The following MORC1 variants were observed in gnomAD, a reference collection of about 807,000 sequenced individuals.
MORC1 encodes MORC family CW-type zinc finger 1.
Under a neutral mutation model 134.9 loss-of-function variants are expected in MORC1, and 59 were observed. The ratio of observed to expected loss-of-function variants is 0.44; its 90% CI spans 0.35 to 0.54. MORC1 has a LOEUF of 0.54. Among genes scored for constraint, MORC1 ranks in the 20% least tolerant of loss-of-function variants. The pLI, the probability that MORC1 is intolerant of heterozygous loss-of-function variation, is 0.00. For missense variants in MORC1, 947 were observed against 1,134.5 expected (o/e 0.83, Z 2.37); for synonymous variants, 395 against 391.7 (o/e 1.01, Z -0.10).
At chr3:108,999,966 T>C (rs1948354014) in intron 21 of MORC1, among the ~76,000 whole-genome samples, 2 of 152,154 alleles carry the variant, frequency 1.3e-5, no homozygotes, top group Admixed American at 1.3e-4. Context: ...CCTTGAATCA[T>C]TTCCTCCTAA....
intron 8 of MORC1, among the ~76,000 whole-genome samples, chr3:109,073,735 C>A (rs1183311279): frequency 6.6e-6 from 1 of 152,094 alleles, no homozygotes; most frequent in Non-Finnish European, 1.5e-5. Context: ...TACTCAAGTC[C>A]TTACAAAATC....
intron 14 of MORC1, among the ~76,000 whole-genome samples, chr3:109,040,416 G>A (rs1024917102): frequency 5.2e-5 from 2 of 38,766 alleles, no homozygotes; most frequent in South Asian, 1.1e-3. Flanking sequence ...AGGAAGGAAG[G>A]AAGGAAGGAA....
intron 14 of MORC1, among the ~76,000 whole-genome samples, chr3:109,039,276 T>C (rs1010637033): frequency 2.0e-5 from 3 of 152,186 alleles, no homozygotes; most frequent in African/African-American, 4.8e-5. Flanking sequence ...GAGGGTGCTG[T>C]AGATTAAAAG....
chr3:109,073,360 T>C (rs1284928283), intron 8 of MORC1, among the ~76,000 whole-genome samples: 3 of 152,152 alleles, frequency 2.0e-5, no homozygotes, highest in South Asian at 4.1e-4. Flanking sequence ...GGCTGGAGTC[T>C]GGAAACGTGA....
chr3:109,058,041 T>A (rs192675877), intron 12 of MORC1, among the ~76,000 whole-genome samples: 231 of 152,310 alleles, frequency 1.5e-3, no homozygotes, highest in African/African-American at 5.2e-3. Flanking sequence ...ACCTTCTATA[T>A]TATGTTTTGT....
intron 22 of MORC1, 75 bp downstream of exon 22, chr3:108,986,805 G>C: frequency 1.0e-6 from 1 of 1,002,858 alleles, no homozygotes; most frequent in South Asian, 1.7e-5. Flanking sequence ...TATATATCAG[G>C]CTGTCAAGCC....
At chr3:109,034,579 C>G (rs1166335140) in intron 15 of MORC1, among the ~76,000 whole-genome samples, 4 of 152,244 alleles carry the variant, frequency 2.6e-5, no homozygotes, top group African/African-American at 9.6e-5. Context: ...TTCAGTGATT[C>G]AGTTGTCAGT....
intron 14 of MORC1, among the ~76,000 whole-genome samples, chr3:109,047,713 C>CT (rs1949724805): frequency 6.6e-6 from 1 of 152,216 alleles, no homozygotes; most frequent in Non-Finnish European, 1.5e-5. Context: ...GTCTCTTACT[C>CT]TTTTCACATC....
chr3:108,973,594 GGTTT>G (rs1559863639), intron 24 of MORC1, among the ~76,000 whole-genome samples: 5 of 123,410 alleles, frequency 4.1e-5, no homozygotes, highest in South Asian at 2.7e-4. Context: ...GCTTTGTTTT[GGTTT>G]TTTTTTTTTT....
At chr3:109,097,092 ATGGG>A (rs1262099208) in intron 6 of MORC1, among the ~76,000 whole-genome samples, 1 of 152,180 alleles carries the variant, frequency 6.6e-6, no homozygotes, top group African/African-American at 2.4e-5. Flanking sequence ...GACCAGCACA[ATGGG>A]TGTAAATAGA....
chr3:109,018,074 G>A (rs1033847491), intron 17 of MORC1, among the ~76,000 whole-genome samples: 21 of 152,118 alleles, frequency 1.4e-4, no homozygotes, highest in African/African-American at 2.4e-4. Context: ...TGTTTAGTCC[G>A]TCTGGTGTAG....
At chr3:109,067,836 AT>A (rs1950232664) in intron 9 of MORC1, among the ~76,000 whole-genome samples, 1 of 152,172 alleles carries the variant, frequency 6.6e-6, no homozygotes, top group Admixed American at 6.5e-5. Context: ...AGGGAGTATG[AT>A]GCAGAGATCT....
At position 109,094,262 on chromosome 3, in the gene MORC1, A is replaced by G. The variant is rs370551753; in HGVS notation, c.583+647T>C. ...AATTATTTCCAGTTGATTATGATAC[A>G]AAGTCAAACAGGATCATTAGAGTAA... On this transcript the variant is annotated intron_variant, in intron 7 of 27. Coordinates refer to ENST00000232603, the MANE Select transcript of MORC1 (RefSeq NM_014429.4). 2.0e-5 allele frequency among the ~76,000 whole-genome samples: 3 copies of G among 152,238 alleles called. No individual in the cohort carries two copies. In the East Asian group the frequency reaches 5.8e-4, roughly 29 times the overall value.
At chr3:109,116,325 A>G (rs1464450964) in intron 1 of MORC1, among the ~76,000 whole-genome samples, 4 of 152,238 alleles carry the variant, frequency 2.6e-5, no homozygotes, top group African/African-American at 9.6e-5. Flanking sequence ...GACAAGGGAC[A>G]GTGGTGGCTT....
At chr3:109,024,286 G>A (rs764279641) in intron 17 of MORC1, among the ~76,000 whole-genome samples, 10 of 152,112 alleles carry the variant, frequency 6.6e-5, no homozygotes, top group Admixed American at 2.0e-4. Context: ...TTAAAGTTAC[G>A]TGCTTTGATT....
intron 17 of MORC1, among the ~76,000 whole-genome samples, chr3:109,008,691 G>T: frequency 6.7e-6 from 1 of 150,024 alleles, no homozygotes; most frequent in Admixed American, 6.6e-5. Flanking sequence ...TTTTTTTCTG[G>T]TGACCTCCAT....
chr3:109,103,188 G>A (rs2107784802), intron 4 of MORC1, among the ~76,000 whole-genome samples: 1 of 152,282 alleles, frequency 6.6e-6, no homozygotes, highest in Admixed American at 6.5e-5. Flanking sequence ...AACACACCAT[G>A]TTTAAAGAAT....
Position 109,057,451 on chromosome 3 carries a change from T to C in MORC1, c.1067A>G (p.Tyr356Cys), listed in dbSNP as rs770722056. 6.2e-6 allele frequency: 10 copies of C among 1,609,852 alleles called. No homozygotes were observed. The highest frequency in any genetic ancestry group is 3.3e-4 in the Middle Eastern group (2 of 6,056). Residue 356 changes from tyrosine to cysteine, a missense_variant, in exon 13 of 28, where the codon TAT (tyrosine) becomes TGT (cysteine). Transcript: ENST00000232603. ...GCTTCGGTTTTCTACGTTCACTCCA[T>C]AGAACAGGGAGAGCGTTCTTGCTGT... is the stretch of plus-strand genomic sequence containing the variant. ...LKTARTLSLF[Y>C]GVNVENRSQA...
chr3:108,999,458 A>G (rs1233513548), intron 21 of MORC1, among the ~76,000 whole-genome samples: 1 of 152,178 alleles, frequency 6.6e-6, no homozygotes, highest in African/African-American at 2.4e-5. Context: ...AAATGAAAAA[A>G]TTTTTAAATA....
Sources: gnomAD v4.1 joint callset for allele counts (sites outside exome capture counted in the v4.1 genomes callset) on GRCh38, gnomAD v4.1.1 for gene constraint, MANE v1.5 for transcripts, NCBI Gene and HGNC (gene_info 2026-07-23, HGNC 2026-07-21) for gene names.